AP3B1: variants seen among roughly 807,000 people sequenced by gnomAD.
AP3B1 encodes adaptor related protein complex 3 subunit beta 1.
Under a neutral mutation model 132.5 loss-of-function variants are expected in AP3B1, and 61 were observed. The observed-to-expected ratio is 0.46, with a 90% CI of 0.37 to 0.57. AP3B1 has a LOEUF of 0.57. AP3B1 is among the 20% of genes least tolerant of loss of function. The probability of loss-of-function intolerance (pLI) is 0.00; values close to 1 mark genes in which losing one functional copy is unlikely to be tolerated. For missense variants in AP3B1, 1,120 were observed against 1,289.4 expected, an observed-to-expected ratio of 0.87 and a Z score of 2.01; for synonymous variants, 388 against 438.3, an observed-to-expected ratio of 0.89 and a Z score of 1.43.
chr5:78,163,598 T>C (rs1007353142), intron 12 of AP3B1, among the ~76,000 whole-genome samples: 2 of 146,778 alleles, frequency 1.4e-5, no homozygotes, highest in Non-Finnish European at 3.0e-5. Flanking sequence ...TGTGTATATA[T>C]ATATATGTGT....
At chr5:78,125,283 ATGG>A (rs1320964919) in intron 17 of AP3B1, among the ~76,000 whole-genome samples, 1 of 152,096 alleles carries the variant, frequency 6.6e-6, no homozygotes, top group Non-Finnish European at 1.5e-5. Flanking sequence ...TATCCTAGAA[ATGG>A]TGGTGTGTAA....
chr5:78,246,189 C>T (rs1262057418), intron 2 of AP3B1, among the ~76,000 whole-genome samples: 1 of 152,218 alleles, frequency 6.6e-6, no homozygotes, highest in Non-Finnish European at 1.5e-5. Flanking sequence ...TGTTCTCTAA[C>T]TTCACACATT....
intron 25 of AP3B1, among the ~76,000 whole-genome samples, chr5:78,020,064 G>A (rs553488250): frequency 3.3e-5 from 5 of 151,944 alleles, no homozygotes; most frequent in African/African-American, 7.3e-5. Flanking sequence ...TTATTAGAAG[G>A]TATGTTTGAC....
intron 24 of AP3B1, among the ~76,000 whole-genome samples, chr5:78,028,500 C>T (rs1747435870): frequency 6.6e-6 from 1 of 151,962 alleles, no homozygotes; most frequent in African/African-American, 2.4e-5. Flanking sequence ...ATTTATACTG[C>T]AAATGGCGTT....
At chr5:78,282,290 C>T (rs149841209) in intron 1 of AP3B1, among the ~76,000 whole-genome samples, 15 of 152,120 alleles carry the variant, frequency 9.9e-5, no homozygotes, top group African/African-American at 3.4e-4. Context: ...CATACATAAG[C>T]CTGCCTTCTT....
At chr5:78,127,374 TCA>T (rs2112297211) in intron 17 of AP3B1, among the ~76,000 whole-genome samples, 1 of 152,296 alleles carries the variant, frequency 6.6e-6, no homozygotes, top group African/African-American at 2.4e-5. Context: ...AAGGCCTCTC[TCA>T]CTTTTTCTTG....
At chr5:78,022,819 G>C (rs7729411) in intron 24 of AP3B1, among the ~76,000 whole-genome samples, 47,340 of 151,936 alleles carry the variant, frequency 0.31, 7,999 homozygotes, top group Admixed American at 0.42. Context: ...TTTTTTTAAG[G>C]ATTTACTGTG....
At chr5:78,177,798 C>G (rs1744210931) in intron 8 of AP3B1, among the ~76,000 whole-genome samples, 1 of 152,022 alleles carries the variant, frequency 6.6e-6, no homozygotes, top group African/African-American at 2.4e-5. Context: ...TGTGATACAC[C>G]CATAAGCCAA....
At chr5:78,250,594 G>A (rs1463553052) in intron 2 of AP3B1, among the ~76,000 whole-genome samples, 2 of 152,016 alleles carry the variant, frequency 1.3e-5, no homozygotes, top group African/African-American at 4.8e-5. Flanking sequence ...TGCTTTCTGA[G>A]GATGACTTAA....
At chr5:78,272,644 A>G (rs188824094) in intron 1 of AP3B1, among the ~76,000 whole-genome samples, 1 of 149,964 alleles carries the variant, frequency 6.7e-6, no homozygotes, top group Non-Finnish European at 1.5e-5. Flanking sequence ...GATATGGGGG[A>G]AAAAAACAGA....
intron 22 of AP3B1, chr5:78,087,607 A>G (rs1750318446): frequency 1.0e-6 from 1 of 985,270 alleles, no homozygotes; most frequent in Non-Finnish European, 1.2e-6. Flanking sequence ...GTCCTGCTTC[A>G]CTCAGCCGTG....
chr5:78,038,868 T>A (rs1747919958), intron 23 of AP3B1, among the ~76,000 whole-genome samples, 175 bp downstream of exon 23: 1 of 152,196 alleles, frequency 6.6e-6, no homozygotes, highest in East Asian at 1.9e-4. Flanking sequence ...TGTATTTATC[T>A]TATATGATAA....
intron 17 of AP3B1, among the ~76,000 whole-genome samples, chr5:78,120,466 C>T (rs1282099): frequency 0.17 from 26,007 of 152,084 alleles, 2,828 homozygotes; most frequent in Admixed American, 0.28. Flanking sequence ...TGGAGAGTCA[C>T]ACATAAACTC....
intron 14 of AP3B1, among the ~76,000 whole-genome samples, chr5:78,153,395 C>A (rs1169402635): frequency 2.6e-5 from 4 of 151,644 alleles, no homozygotes; most frequent in Non-Finnish European, 5.9e-5. Context: ...TTTCTACCAG[C>A]ATGGAATGTC....
At chr5:78,072,295 A>C (rs184064961) in intron 22 of AP3B1, among the ~76,000 whole-genome samples, 41 of 152,364 alleles carry the variant, frequency 2.7e-4, no homozygotes, top group Non-Finnish European at 4.4e-5. Context: ...TTTGAAAGAA[A>C]ACATACAATA....
At chr5:78,163,278 C>T (rs112199378) in intron 12 of AP3B1, among the ~76,000 whole-genome samples, 1 of 152,000 alleles carries the variant, frequency 6.6e-6, no homozygotes, top group Non-Finnish European at 1.5e-5. Flanking sequence ...ATGATGAGAG[C>T]TCTCTCTTTG....
intron 3 of AP3B1, among the ~76,000 whole-genome samples, chr5:78,236,202 G>GA (rs1483152415): frequency 3.9e-5 from 6 of 152,140 alleles, no homozygotes; most frequent in Admixed American, 1.3e-4. Flanking sequence ...TTCTCCTACT[G>GA]ATAACTATTT....
intron 22 of AP3B1, among the ~76,000 whole-genome samples, chr5:78,076,507 A>G (rs1242720536): frequency 6.6e-6 from 1 of 152,198 alleles, no homozygotes; most frequent in African/African-American, 2.4e-5. Flanking sequence ...ACCACACCTG[A>G]TAATTTATGC....
At chr5:78,193,730 T>TTGTGTGTGTGTGTG (rs1317028334) in intron 7 of AP3B1, among the ~76,000 whole-genome samples, 5 of 108,024 alleles carry the variant, frequency 4.6e-5, no homozygotes, top group African/African-American at 1.8e-4. Flanking sequence ...TTTTAAATAT[T>TTGTGTGTGTGTGTG]TGTATATATT....
Sources: gnomAD v4.1 joint callset for allele counts (sites outside exome capture counted in the v4.1 genomes callset) on GRCh38, gnomAD v4.1.1 for gene constraint, MANE v1.5 for transcripts, NCBI Gene and HGNC (gene_info 2026-07-23, HGNC 2026-07-21) for gene names.